Variants in PFDN1 observed in about 807,000 individuals in gnomAD.
PFDN1 encodes prefoldin 1.
Under a neutral mutation model 17.3 loss-of-function variants are expected in PFDN1, and 6 were observed. The ratio of observed to expected loss-of-function variants is 0.35; its 90% CI spans 0.19 to 0.69. The LOEUF is 0.69. Ranked by LOEUF, PFDN1 falls within the 30% of genes least tolerant of loss-of-function variation. The pLI is 0.65. For synonymous variants in PFDN1, 58 were observed against 50.1 expected, an observed-to-expected ratio of 1.16 and a Z score of -0.67; for missense variants, 113 against 146.2, an observed-to-expected ratio of 0.77 and a Z score of 1.17.
At chr5:140,299,231 T>C (rs190251715) in intron 2 of PFDN1, among the ~76,000 whole-genome samples, 239 of 152,294 alleles carry the variant, frequency 1.6e-3, no homozygotes, top group African/African-American at 5.4e-3. Context: ...ATAAACATTT[T>C]CCATGACAAA....
chr5:140,298,699 C>T (rs1765688761), intron 2 of PFDN1, among the ~76,000 whole-genome samples: 1 of 151,452 alleles, frequency 6.6e-6, no homozygotes, highest in Non-Finnish European at 1.5e-5. Flanking sequence ...AGATTTCTCA[C>T]ATGTGAGTTG....
At chr5:140,302,862 C>G (rs553083201) in intron 1 of PFDN1, among the ~76,000 whole-genome samples, 179 bp downstream of exon 1, 10 of 152,266 alleles carry the variant, frequency 6.6e-5, no homozygotes, top group Non-Finnish European at 1.3e-4. Context: ...CAGCAAGAGC[C>G]GCTCGCCCCC....
At chr5:140,252,516 T>C (rs927362182) in intron 3 of PFDN1, among the ~76,000 whole-genome samples, 2 of 152,190 alleles carry the variant, frequency 1.3e-5, no homozygotes, top group African/African-American at 4.8e-5. Flanking sequence ...AGCTCTACTA[T>C]TAATCAAAAA....
At chr5:140,256,542 T>C (rs35214989) in intron 3 of PFDN1, among the ~76,000 whole-genome samples, 74,915 of 151,232 alleles carry the variant, frequency 0.5, 18,786 homozygotes, top group South Asian at 0.71. Context: ...CAGACTTTAA[T>C]ATGTTTAAAA....
At chr5:140,296,252 A>G (rs564277950) in intron 2 of PFDN1, among the ~76,000 whole-genome samples, 90 of 152,334 alleles carry the variant, frequency 5.9e-4, no homozygotes, top group African/African-American at 2.0e-3. Context: ...CTAAGAAACC[A>G]AAAGAAAAAA....
intron 3 of PFDN1, among the ~76,000 whole-genome samples, chr5:140,278,416 A>C (rs376236326): frequency 1.8e-4 from 28 of 151,364 alleles, no homozygotes; most frequent in African/African-American, 6.8e-4. Context: ...AAATACAAAA[A>C]TTAGCCAGGC....
chr5:140,288,057 A>G (rs903649655), intron 2 of PFDN1, among the ~76,000 whole-genome samples: 5 of 152,212 alleles, frequency 3.3e-5, no homozygotes, highest in African/African-American at 9.6e-5. Flanking sequence ...CAGATGATCA[A>G]TCAAATGCAG....
chr5:140,302,316 T>C (rs1271132202), intron 1 of PFDN1, among the ~76,000 whole-genome samples: 2 of 152,214 alleles, frequency 1.3e-5, no homozygotes, highest in East Asian at 1.9e-4. Context: ...TTAGTGGTGT[T>C]AGAATGCTGA....
chr5:140,262,548 G>A (rs1434118649), intron 3 of PFDN1: 6 of 456,068 alleles, frequency 1.3e-5, no homozygotes, highest in East Asian at 6.9e-5. Context: ...CTCGACTGTT[G>A]AGTCCACTGA....
chr5:140,278,166 C>CCA (rs1408049592), intron 3 of PFDN1, among the ~76,000 whole-genome samples: 1 of 151,878 alleles, frequency 6.6e-6, no homozygotes, highest in Non-Finnish European at 1.5e-5. Context: ...CAAGATCATG[C>CCA]CACTGCACTC....
chr5:140,257,695 C>A (rs1281643913), intron 3 of PFDN1, among the ~76,000 whole-genome samples: 1 of 152,178 alleles, frequency 6.6e-6, no homozygotes, highest in Non-Finnish European at 1.5e-5. Context: ...ACCCTAGCAC[C>A]AAGAACTGGC....
intron 2 of PFDN1, among the ~76,000 whole-genome samples, chr5:140,299,480 G>T (rs1256939119): frequency 6.6e-6 from 1 of 151,388 alleles, no homozygotes; most frequent in African/African-American, 2.4e-5. Flanking sequence ...TGCGCCTGTA[G>T]TCCCAGCTAC....
intron 2 of PFDN1, among the ~76,000 whole-genome samples, chr5:140,292,732 CT>C (rs1344018116): frequency 1.3e-5 from 2 of 152,130 alleles, no homozygotes; most frequent in East Asian, 3.8e-4. Flanking sequence ...AGGATACACT[CT>C]TCACAAAAGC....
intron 2 of PFDN1, among the ~76,000 whole-genome samples, chr5:140,291,840 G>C (rs1581098084): frequency 6.6e-6 from 1 of 152,124 alleles, no homozygotes; most frequent in African/African-American, 2.4e-5. Flanking sequence ...CTTCAAGGAA[G>C]AAAGGTCAAC....
intron 2 of PFDN1, among the ~76,000 whole-genome samples, chr5:140,298,899 C>T (rs560246735): frequency 3.3e-5 from 5 of 152,002 alleles, no homozygotes; most frequent in East Asian, 3.9e-4. Context: ...TACAGGTGTG[C>T]GCCACCATGC....
chr5:140,289,854 C>T (rs1765553738), intron 2 of PFDN1, among the ~76,000 whole-genome samples: 1 of 152,100 alleles, frequency 6.6e-6, no homozygotes, highest in African/African-American at 2.4e-5. Flanking sequence ...GGCAGATATC[C>T]TCCTTATATT....
At chr5:140,246,899 T>C (rs1191319529) in intron 3 of PFDN1, among the ~76,000 whole-genome samples, 1 of 152,210 alleles carries the variant, frequency 6.6e-6, no homozygotes, top group Non-Finnish European at 1.5e-5. Flanking sequence ...TTTAGAGGAA[T>C]ACTATTCATG....
At chr5:140,252,918 C>A (rs1449303651) in intron 3 of PFDN1, among the ~76,000 whole-genome samples, 1 of 152,162 alleles carries the variant, frequency 6.6e-6, no homozygotes, top group Non-Finnish European at 1.5e-5. Context: ...CAGAGGCAGG[C>A]AAAACCCCAC....
At chr5:140,259,404 A>C (rs931092023) in intron 3 of PFDN1, among the ~76,000 whole-genome samples, 3 of 152,218 alleles carry the variant, frequency 2.0e-5, no homozygotes, top group African/African-American at 7.2e-5. Context: ...AATTATGCCC[A>C]AGGAAACGAT....
Sources: gnomAD v4.1 joint callset for allele counts (sites outside exome capture counted in the v4.1 genomes callset) on GRCh38, gnomAD v4.1.1 for gene constraint, MANE v1.5 for transcripts, NCBI Gene and HGNC (gene_info 2026-07-23, HGNC 2026-07-21) for gene names.